The following EIF4E variants were observed in gnomAD, a reference collection of about 807,000 sequenced individuals.
EIF4E encodes the protein eukaryotic translation initiation factor 4E.
For synonymous variants in EIF4E, 71 were observed against 88.5 expected, an observed-to-expected ratio of 0.80 and a Z score of 1.11; for missense variants, 113 against 265.6, an observed-to-expected ratio of 0.43 and a Z score of 3.99.
chr4:98,911,847 A>T (rs963196370), intron 1 of EIF4E, among the ~76,000 whole-genome samples: 10 of 151,056 alleles, frequency 6.6e-5, no homozygotes, highest in Middle Eastern at 3.4e-3. Flanking sequence ...GTGATAACAC[A>T]GACACAAGAA....
chr4:98,890,745 A>G (rs1724111017), intron 3 of EIF4E: 2 of 156,722 alleles, frequency 1.3e-5, no homozygotes, highest in Admixed American at 1.3e-4. Flanking sequence ...TGATCAAAGT[A>G]TAATGAAATG....
chr4:98,905,581 G>A (rs1162095172), intron 1 of EIF4E, among the ~76,000 whole-genome samples: 2 of 152,078 alleles, frequency 1.3e-5, no homozygotes, highest in African/African-American at 2.4e-5. Context: ...TTTCATCTTG[G>A]GGGCAATGAA....
In EIF4E at chr4:98,881,162, A is replaced by G. The variant is rs1310294587; in HGVS notation, c.540-20T>C. On this transcript the variant is annotated intron_variant, in intron 6 of 6. Transcript: ENST00000450253. ...ACCCTCCTAGAAGAAAAAAAAAAAG[A>G]AGAAGAAAAAAGTAGTCATTAACTT... is the stretch of plus-strand genomic sequence containing the variant. 3 of 1,588,002 alleles carry G rather than the reference A, an allele frequency of 1.9e-6. No homozygotes were observed. Among genetic ancestry groups the G allele is most frequent in the Non-Finnish European group, 8.5e-7 (1 of 1,177,012 alleles).
intron 5 of EIF4E, among the ~76,000 whole-genome samples, chr4:98,885,677 C>T (rs1723887648): frequency 6.6e-6 from 1 of 152,106 alleles, no homozygotes; most frequent in Non-Finnish European, 1.5e-5. Context: ...GTCTTGAACT[C>T]CTGAGTTTAA....
Position 98,887,990 on chromosome 4 carries a change from T to C in EIF4E, c.222-38A>G, listed in dbSNP as rs200871827. The C allele has an allele frequency of 9.0e-5, 139 of 1,544,174 alleles. No homozygotes were observed. In the East Asian group the frequency reaches 2.1e-3, roughly 23 times the overall value. On this transcript the variant is annotated intron_variant, in intron 3 of 6. Transcript: ENST00000450253. This position sits in a 1 kb window ranked among gnomAD's most constrained non-coding sequence, Gnocchi z 4.0. ...AAATAACAATTAAAAACACAGAATA[T>C]GTAATATAGAGTTTAGGTGCTTACA...
At chr4:98,899,542 C>T (rs551640756) in intron 2 of EIF4E, among the ~76,000 whole-genome samples, 1 of 152,042 alleles carries the variant, frequency 6.6e-6, no homozygotes, top group African/African-American at 2.4e-5. Flanking sequence ...AATCTTTGTT[C>T]TAGGAGATCT....
intron 1 of EIF4E, 40 bp from the exon 2 acceptor site, chr4:98,902,022 A>G (rs778834753): frequency 6.4e-7 from 1 of 1,560,386 alleles, no homozygotes; most frequent in South Asian, 1.1e-5. Flanking sequence ...TAAATGTCTT[A>G]ACACATCTAT....
intron 1 of EIF4E, among the ~76,000 whole-genome samples, chr4:98,923,618 T>C (rs1005371964): frequency 2.6e-5 from 4 of 152,208 alleles, no homozygotes; most frequent in African/African-American, 9.6e-5. Flanking sequence ...GCCCCTTTCT[T>C]TTTCTGGAGA....
intron 6 of EIF4E, among the ~76,000 whole-genome samples, chr4:98,883,365 T>C (rs1361166050): frequency 1.3e-5 from 2 of 151,620 alleles, no homozygotes; most frequent in Non-Finnish European, 2.9e-5. Flanking sequence ...TGACCAGCAC[T>C]TAATTTTAAC....
In EIF4E at chr4:98,923,670, G is replaced by A. The variant is rs573044937; in HGVS notation, c.18+5425C>T. ...TGAAGGAACACTAGTGATTTTTATG[G>A]TAGGGATAGGAGTGGGAAGAACATC... On this transcript the variant is annotated intron_variant, in intron 1 of 6. Coordinates refer to ENST00000450253, the MANE Select transcript of EIF4E (RefSeq NM_001968.5). Among the ~76,000 whole-genome samples, 263 of 152,260 alleles carry A rather than the reference G, an allele frequency of 1.7e-3. 1 individual carries two copies. Among genetic ancestry groups the A allele is most frequent in the African/African-American group, 5.9e-3 (245 of 41,558 alleles).
rs748882618 is a variant in EIF4E at position 98,880,981 on chromosome 4, C to T, written c.*47G>A. 27 of 1,551,840 alleles carry T rather than the reference C, an allele frequency of 1.7e-5. No individual in the cohort carries two copies. The highest frequency in any genetic ancestry group is 1.6e-5 in the Non-Finnish European group (18 of 1,151,260). ...AGGCTTTGGTTCAGCTCCCAAATCT[C>T]GATTGCTTGACGCAGTCTCCTATGA... is the stretch of plus-strand genomic sequence containing the variant. On this transcript the variant is annotated 3_prime_UTR_variant, in exon 7 of 7. Coordinates refer to ENST00000450253, the MANE Select transcript of EIF4E (RefSeq NM_001968.5).
At chr4:98,894,647 A>G (rs1724289627) in intron 2 of EIF4E, among the ~76,000 whole-genome samples, 1 of 152,322 alleles carries the variant, frequency 6.6e-6, no homozygotes, top group South Asian at 2.1e-4. Context: ...GGAATGTTGT[A>G]GCTGGTTTTA....
intron 1 of EIF4E, among the ~76,000 whole-genome samples, chr4:98,907,931 G>T (rs1339842765): frequency 2.0e-5 from 3 of 152,130 alleles, no homozygotes; most frequent in African/African-American, 7.2e-5. Context: ...GTTTAGAAAG[G>T]TAAGAGCTGA....
intron 1 of EIF4E, among the ~76,000 whole-genome samples, chr4:98,927,790 A>G (rs990417270): frequency 3.4e-4 from 51 of 152,142 alleles, no homozygotes; most frequent in African/African-American, 1.2e-3. Flanking sequence ...AGCTGGTTCC[A>G]GAGTGTGAAA....
intron 1 of EIF4E, among the ~76,000 whole-genome samples, chr4:98,906,341 C>A (rs1724873526): frequency 6.6e-6 from 1 of 152,196 alleles, no homozygotes; most frequent in African/African-American, 2.4e-5. Context: ...ACTACTACTG[C>A]TGGTCCACAA....
At chr4:98,896,486 CAAAAAAAAA>C (rs59729154) in intron 2 of EIF4E, among the ~76,000 whole-genome samples, 4 of 39,024 alleles carry the variant, frequency 1.0e-4, no homozygotes, top group East Asian at 9.0e-4. Flanking sequence ...CCGCATCTCT[CAAAAAAAAA>C]AAAAAAAAAA....
Position 98,885,139 on chromosome 4 carries a change from C to A in EIF4E, c.400-78G>T, listed in dbSNP as rs1358103673. ...ACTGCAAATGTCTCTTCTGTATTTG[C>A]ATAGAAACTAAAGGCAGTTTTTAAA... is the stretch of plus-strand genomic sequence containing the variant. On this transcript the variant is annotated intron_variant, in intron 5 of 6. Coordinates refer to ENST00000450253, the MANE Select transcript of EIF4E (RefSeq NM_001968.5). 3.3e-6 allele frequency: 5 copies of A among 1,510,036 alleles called. No individual in the cohort carries two copies. The highest frequency in any genetic ancestry group is 4.5e-6 in the Non-Finnish European group (5 of 1,113,814). 93.5% of individuals were successfully genotyped at this position (1,510,036 alleles called of 1,614,324 possible). A position where few individuals can be genotyped will look rare whatever the true frequency, so the allele number is the denominator to read the frequency against.
intron 1 of EIF4E, among the ~76,000 whole-genome samples, chr4:98,923,070 C>T (rs1435572651): frequency 2.0e-5 from 3 of 151,714 alleles, no homozygotes; most frequent in Non-Finnish European, 4.4e-5. Context: ...AGGCTGGTCT[C>T]GAACTCCCGA....
chr4:98,900,722 C>T (rs917182853), intron 2 of EIF4E, among the ~76,000 whole-genome samples: 1 of 152,088 alleles, frequency 6.6e-6, no homozygotes, highest in Non-Finnish European at 1.5e-5. Context: ...CTCATATACC[C>T]CAGAAAATAA....
Sources: allele counts gnomAD v4.1 joint callset (sites outside exome capture counted in the v4.1 genomes callset), GRCh38; gene constraint gnomAD v4.1.1; non-coding constraint Gnocchi (gnomAD v3.1); transcripts MANE v1.5; gene names NCBI Gene and HGNC (gene_info 2026-07-23, HGNC 2026-07-21).